The following GNAQ variants were observed in gnomAD, a reference collection of about 807,000 sequenced individuals.
The protein encoded by GNAQ is guanine nucleotide-binding protein G(q) subunit alpha.
A neutral mutation model predicts 43.9 loss-of-function variants in GNAQ; 8 were observed. The observed-to-expected ratio is 0.18, with a 90% CI of 0.11 to 0.33. The LOEUF (loss-of-function observed/expected upper bound fraction) is 0.33. GNAQ is among the 10% of genes least tolerant of loss of function. The probability of loss-of-function intolerance (pLI) is 1.00; values close to 1 mark genes in which losing one functional copy is unlikely to be tolerated. For synonymous variants in GNAQ, 155 were observed against 170.7 expected, an observed-to-expected ratio of 0.91 and a Z score of 0.71; for missense variants, 158 against 450.8, an observed-to-expected ratio of 0.35 and a Z score of 5.88.
chr9:77,928,156 T>A (rs1008030973), intron 1 of GNAQ, among the ~76,000 whole-genome samples: 1 of 152,230 alleles, frequency 6.6e-6, no homozygotes, highest in Non-Finnish European at 1.5e-5. Context: ...CATTCCAGGC[T>A]ATATCTACTT....
chr9:77,815,532 A>T, intron 3 of GNAQ, 84 bp downstream of exon 3: 1 of 856,934 alleles, frequency 1.2e-6, no homozygotes. Flanking sequence ...TATACAGGAC[A>T]GAATAAAGAA....
At chr9:77,736,056 C>T (rs1825573129) in intron 5 of GNAQ, among the ~76,000 whole-genome samples, 1 of 152,156 alleles carries the variant, frequency 6.6e-6, no homozygotes, top group South Asian at 2.1e-4. Context: ...AAATCTCTGA[C>T]CAAACTAAAC....
At chr9:77,896,904 A>T (rs1401552495) in intron 2 of GNAQ, among the ~76,000 whole-genome samples, 3 of 152,268 alleles carry the variant, frequency 2.0e-5, no homozygotes, top group Non-Finnish European at 2.9e-5. Flanking sequence ...TATTTGTCAT[A>T]AAAGAGGAAA....
intron 1 of GNAQ, among the ~76,000 whole-genome samples, chr9:77,985,894 T>G (rs1052137559): frequency 6.6e-6 from 1 of 152,204 alleles, no homozygotes; most frequent in South Asian, 2.1e-4. Flanking sequence ...GGCCTAAGTA[T>G]GATTTTTTAA....
At chr9:77,914,286 G>A (rs1327772360) in intron 2 of GNAQ, among the ~76,000 whole-genome samples, 1 of 152,172 alleles carries the variant, frequency 6.6e-6, no homozygotes, top group Non-Finnish European at 1.5e-5. Flanking sequence ...AGAGAAGGGA[G>A]AAAGCAGTAA....
At chr9:77,837,479 G>A (rs1303868503) in intron 2 of GNAQ, among the ~76,000 whole-genome samples, 6 of 152,020 alleles carry the variant, frequency 3.9e-5, no homozygotes, top group Admixed American at 1.3e-4. Flanking sequence ...GCCCGAATCC[G>A]GGAGGTGGAG....
At chr9:77,934,305 T>C (rs760527111) in intron 1 of GNAQ, among the ~76,000 whole-genome samples, 1 of 152,192 alleles carries the variant, frequency 6.6e-6, no homozygotes, top group Non-Finnish European at 1.5e-5. Flanking sequence ...TAAACAGCAT[T>C]AACAACTATT....
chr9:77,823,320 G>T (rs970904937), intron 2 of GNAQ, among the ~76,000 whole-genome samples: 1 of 152,028 alleles, frequency 6.6e-6, no homozygotes, highest in Non-Finnish European at 1.5e-5. Context: ...TATATAATTT[G>T]TCACTTTAAA....
Position 77,721,011 on chromosome 9 carries a change from CAGAA to C in GNAQ, c.*308_*311del, listed in dbSNP as rs1451300107. 7.3e-6 allele frequency: 2 copies of C among 273,242 alleles called. No individual in the cohort carries two copies. Among genetic ancestry groups the C allele is most frequent in the African/African-American group, 4.3e-5 (2 of 46,396 alleles). The allele number at this position is 273,242 out of a possible 1,614,324, so 16.9% of individuals were successfully genotyped here. A position where few individuals can be genotyped will look rare whatever the true frequency, so the allele number is the denominator to read the frequency against. On this transcript the variant is annotated 3_prime_UTR_variant, in exon 7 of 7. Coordinates refer to ENST00000286548, the MANE Select transcript of GNAQ (RefSeq NM_002072.5). ...CATAGAAAAGAAAAAGAGAGAGAGA[CAGAA>C]AGAAACAAGTCTTATCTTTGTGAGT...
At chr9:78,024,024 A>T (rs1426284052) in intron 1 of GNAQ, among the ~76,000 whole-genome samples, 1 of 151,592 alleles carries the variant, frequency 6.6e-6, no homozygotes, top group Non-Finnish European at 1.5e-5. Context: ...CTTGAAAACA[A>T]CTATTTTATT....
intron 1 of GNAQ, among the ~76,000 whole-genome samples, chr9:77,938,165 C>T (rs1564157399): frequency 1.3e-5 from 2 of 152,070 alleles, no homozygotes; most frequent in African/African-American, 4.8e-5. Flanking sequence ...AATGTAAATG[C>T]TATGTTAATA....
At chr9:77,761,114 G>A (rs1162893995) in intron 5 of GNAQ, among the ~76,000 whole-genome samples, 3 of 151,612 alleles carry the variant, frequency 2.0e-5, no homozygotes, top group Admixed American at 2.0e-4. Context: ...CAGGAGGGAG[G>A]TGGGGGGTCA....
chr9:77,970,551 A>T (rs1021318615), intron 1 of GNAQ, among the ~76,000 whole-genome samples: 2 of 152,138 alleles, frequency 1.3e-5, no homozygotes, highest in African/African-American at 2.4e-5. Context: ...ACATAGACTA[A>T]GATTTGAAGG....
intron 1 of GNAQ, among the ~76,000 whole-genome samples, chr9:77,953,014 T>C (rs918441043): frequency 6.6e-6 from 1 of 152,220 alleles, no homozygotes; most frequent in South Asian, 2.1e-4. Flanking sequence ...AGCTACATTA[T>C]TGATAAAATA....
At chr9:77,850,019 C>G (rs1357606655) in intron 2 of GNAQ, among the ~76,000 whole-genome samples, 1 of 152,158 alleles carries the variant, frequency 6.6e-6, no homozygotes, top group African/African-American at 2.4e-5. Flanking sequence ...ATACTACTTT[C>G]TCCTCATTCT....
chr9:77,818,405 A>T (rs939708226), intron 2 of GNAQ, among the ~76,000 whole-genome samples: 1 of 152,096 alleles, frequency 6.6e-6, no homozygotes, highest in African/African-American at 2.4e-5. Context: ...AATTGTGCAT[A>T]TAAACGTTCC....
chr9:77,946,119 G>C (rs1200412792), intron 1 of GNAQ, among the ~76,000 whole-genome samples: 2 of 152,154 alleles, frequency 1.3e-5, no homozygotes, highest in African/African-American at 4.8e-5. Context: ...ATGGTGAAGT[G>C]GTAACATCAC....
intron 2 of GNAQ, among the ~76,000 whole-genome samples, chr9:77,899,977 T>C (rs1035744190): frequency 6.6e-6 from 1 of 152,296 alleles, no homozygotes; most frequent in Middle Eastern, 3.4e-3. Context: ...TTAAATTTTG[T>C]TACCTGCTGC....
intron 5 of GNAQ, among the ~76,000 whole-genome samples, chr9:77,769,656 C>A (rs114240016): frequency 0.012 from 1,806 of 148,140 alleles, 36 homozygotes; most frequent in African/African-American, 0.041. Context: ...TAGAAAAAGA[C>A]AAGAACTCTT....
Sources: allele counts gnomAD v4.1 joint callset (sites outside exome capture counted in the v4.1 genomes callset), GRCh38; gene constraint gnomAD v4.1.1; transcripts MANE v1.5; gene names NCBI Gene and HGNC (gene_info 2026-07-23, HGNC 2026-07-21).